The following PDZRN3 variants were observed in gnomAD, a reference collection of about 807,000 sequenced individuals.
The protein encoded by PDZRN3 is PDZ domain containing ring finger 3.
Under a neutral mutation model 85.7 loss-of-function variants are expected in PDZRN3, and 38 were observed. The ratio of observed to expected loss-of-function variants is 0.44; its 90% CI spans 0.34 to 0.58. The LOEUF (loss-of-function observed/expected upper bound fraction) is 0.58, where lower values mean the gene tolerates loss of function less well. Among genes scored for constraint, PDZRN3 ranks in the 20% least tolerant of loss-of-function variants. PDZRN3 has a pLI of 0.01. For synonymous variants in PDZRN3, 759 were observed against 638.0 expected, an observed-to-expected ratio of 1.19 and a Z score of -2.86; for missense variants, 1,629 against 1,506.4, an observed-to-expected ratio of 1.08 and a Z score of -1.35.
intron 3 of PDZRN3, among the ~76,000 whole-genome samples, chr3:73,420,863 GCA>G (rs1044646722): frequency 6.6e-6 from 1 of 152,080 alleles, no homozygotes; most frequent in African/African-American, 2.4e-5. Context: ...ATATAAAATG[GCA>G]CACAGAGTAT....
At chr3:73,576,122 A>T (rs1397060554) in intron 3 of PDZRN3, among the ~76,000 whole-genome samples, 2 of 151,922 alleles carry the variant, frequency 1.3e-5, no homozygotes, top group East Asian at 1.9e-4. Context: ...TCTCACACAC[A>T]CACATATGCA....
intron 3 of PDZRN3, among the ~76,000 whole-genome samples, chr3:73,491,238 C>A (rs1328340483): frequency 3.3e-5 from 5 of 152,330 alleles, no homozygotes; most frequent in African/African-American, 1.2e-4. Flanking sequence ...ATGTCATTCC[C>A]TACTTCAGGG....
At chr3:73,472,295 C>T (rs751225049) in intron 3 of PDZRN3, among the ~76,000 whole-genome samples, 11 of 152,210 alleles carry the variant, frequency 7.2e-5, no homozygotes, top group South Asian at 2.1e-4. Context: ...TAGCCTGAGG[C>T]CGAGAGTAGA....
At chr3:73,580,548 C>T (rs1240068498) in intron 3 of PDZRN3, among the ~76,000 whole-genome samples, 1 of 152,206 alleles carries the variant, frequency 6.6e-6, no homozygotes, top group East Asian at 1.9e-4. Context: ...TCAAAGTGAT[C>T]CTGTGATGTC....
rs574789742 is a variant in PDZRN3, at chr3:73,389,504, G to A, written c.1416+312C>T. Among the ~76,000 whole-genome samples, 5 of 152,168 alleles carry A rather than the reference G, an allele frequency of 3.3e-5. No individual in the cohort carries two copies. The East Asian group carries it at 9.7e-4, about 29-fold the overall frequency. The stretch of plus-strand genomic sequence containing the variant: ...GTTGTAAACTGTTGGCCTGACTTTG[G>A]CTCACTGATGTTTGTTTTGATCCAA... On this transcript the variant is annotated intron_variant, in intron 7 of 9. Transcript: ENST00000263666.
chr3:73,507,820 G>A (rs1167126280), intron 3 of PDZRN3, among the ~76,000 whole-genome samples: 3 of 152,058 alleles, frequency 2.0e-5, no homozygotes, highest in Non-Finnish European at 4.4e-5. Flanking sequence ...CTGGCCGGGC[G>A]CAGTGGCTCA....
chr3:73,466,167 C>T (rs912087242), intron 3 of PDZRN3, among the ~76,000 whole-genome samples: 1 of 152,134 alleles, frequency 6.6e-6, no homozygotes, highest in Admixed American at 6.5e-5. Context: ...GTTCCATTTT[C>T]CCCTACTAGA....
intron 3 of PDZRN3, among the ~76,000 whole-genome samples, chr3:73,513,840 C>T (rs1704209704): frequency 6.6e-6 from 1 of 152,124 alleles, no homozygotes; most frequent in South Asian, 2.1e-4. Flanking sequence ...AAAAGAGACA[C>T]CCACAAAATT....
At chr3:73,457,475 G>C (rs1025995181) in intron 3 of PDZRN3, among the ~76,000 whole-genome samples, 3 of 152,116 alleles carry the variant, frequency 2.0e-5, no homozygotes, top group Non-Finnish European at 1.5e-5. Flanking sequence ...ATATGGGTTT[G>C]TTGGGTTCCA....
intron 3 of PDZRN3, among the ~76,000 whole-genome samples, chr3:73,477,470 T>C (rs952831475): frequency 6.6e-6 from 1 of 152,208 alleles, no homozygotes; most frequent in African/African-American, 2.4e-5. Context: ...CAGTCTTGGA[T>C]TAACCATAGT....
chr3:73,383,994 C>A lies in PDZRN3; in HGVS notation c.2572G>T (p.Ala858Ser). The A allele has an allele frequency of 6.3e-7, 1 of 1,589,566 alleles. No homozygotes were observed. Among genetic ancestry groups the A allele is most frequent in the Non-Finnish European group, 8.5e-7 (1 of 1,170,112 alleles). ...SPTPSQKLGS[A>S]YLPSYHHSPY... is the part of the protein sequence containing the mutation. The stretch of plus-strand genomic sequence containing the variant: ...GAGTGGTGATAGGAGGGCAGGTAGG[C>A]GCTGCCCAGCTTCTGGCTGGGCGTG... Residue 858 changes from alanine (A) to serine (S), a missense_variant, in exon 10 of 10, where the codon GCC becomes TCC. Ala to Ser is a moderately conservative substitution (Grantham distance 99, BLOSUM62 1). Transcript: ENST00000263666.
At chr3:73,394,412 G>T (rs571224962) in intron 5 of PDZRN3, among the ~76,000 whole-genome samples, 1 of 152,142 alleles carries the variant, frequency 6.6e-6, no homozygotes, top group African/African-American at 2.4e-5. Flanking sequence ...AGAACAAACC[G>T]TCATGGGGAC....
At chr3:73,433,402 T>C (rs1457107587) in intron 3 of PDZRN3, among the ~76,000 whole-genome samples, 2 of 152,244 alleles carry the variant, frequency 1.3e-5, no homozygotes, top group Non-Finnish European at 2.9e-5. Context: ...TTGAAACACA[T>C]TTTATGACCA....
intron 3 of PDZRN3, among the ~76,000 whole-genome samples, chr3:73,454,396 G>C (rs1026703284): frequency 1.3e-5 from 2 of 152,074 alleles, no homozygotes; most frequent in Admixed American, 1.3e-4. Flanking sequence ...CCCCTCCTGA[G>C]CAGGGTGAGG....
chr3:73,432,605 T>C (rs1250347542), intron 3 of PDZRN3, among the ~76,000 whole-genome samples: 1 of 152,164 alleles, frequency 6.6e-6, no homozygotes, highest in Non-Finnish European at 1.5e-5. Context: ...CGCGTCTCCC[T>C]GTGTCTCTTT....
chr3:73,451,928 G>T (rs182119944), intron 3 of PDZRN3, among the ~76,000 whole-genome samples: 2 of 152,264 alleles, frequency 1.3e-5, no homozygotes, highest in Admixed American at 1.3e-4. Flanking sequence ...TGGGAAGTCA[G>T]TTCTCCTAAG....
At chr3:73,418,931 T>G (rs1338794069) in intron 3 of PDZRN3, among the ~76,000 whole-genome samples, 2 of 152,180 alleles carry the variant, frequency 1.3e-5, no homozygotes, top group East Asian at 3.9e-4. Context: ...CAAAGCACAG[T>G]TCTGAAATCT....
At chr3:73,579,152 C>T (rs1702163980) in intron 3 of PDZRN3, among the ~76,000 whole-genome samples, 1 of 152,110 alleles carries the variant, frequency 6.6e-6, no homozygotes. Flanking sequence ...GATTAGCGCC[C>T]TTTCAAAAGA....
chr3:73,446,879 G>T (rs750689830), intron 3 of PDZRN3, among the ~76,000 whole-genome samples: 2 of 151,680 alleles, frequency 1.3e-5, no homozygotes, highest in Non-Finnish European at 2.9e-5. Flanking sequence ...GTATTCTGTT[G>T]CTCTCGACAG....
Sources: allele counts gnomAD v4.1 joint callset (sites outside exome capture counted in the v4.1 genomes callset), GRCh38; gene constraint gnomAD v4.1.1; transcripts MANE v1.5; gene names NCBI Gene and HGNC (gene_info 2026-07-23, HGNC 2026-07-21).